The following CDK12 variants were observed in gnomAD, a reference collection of about 807,000 sequenced individuals.
CDK12 encodes the protein cyclin-dependent kinase 12.
Under a neutral mutation model 133.8 loss-of-function variants are expected in CDK12, and 17 were observed. The observed-to-expected ratio is 0.13, with a 90% CI of 0.09 to 0.19. The LOEUF (loss-of-function observed/expected upper bound fraction) is 0.19. Ranked by LOEUF, CDK12 falls within the 10% of genes least tolerant of loss-of-function variation. The pLI, the probability that CDK12 is intolerant of heterozygous loss-of-function variation, is 1.00. For synonymous variants in CDK12, 694 were observed against 683.6 expected, an observed-to-expected ratio of 1.02 and a Z score of -0.24; for missense variants, 1,508 against 1,818.7, an observed-to-expected ratio of 0.83 and a Z score of 3.11.
intron 5 of CDK12, among the ~76,000 whole-genome samples, chr17:39,495,529 C>T (rs1206430372): frequency 2.0e-5 from 3 of 151,274 alleles, no homozygotes; most frequent in Admixed American, 6.6e-5. Flanking sequence ...CAGTGGCTCA[C>T]GCCTGTAATC....
chr17:39,463,111 T>C lies in CDK12; in HGVS notation c.1040T>C (p.Leu347Pro), dbSNP rs749966748. 6.2e-7 allele frequency: 1 copy of C among 1,613,164 alleles called. No individual in the cohort carries two copies. Among genetic ancestry groups the C allele is most frequent in the South Asian group, 1.1e-5 (1 of 91,040 alleles). Residue 347 changes from leucine (L) to proline (P), a missense_variant, in exon 1 of 14, where the codon CTC (leucine) becomes CCC (proline). By Grantham distance (98) the Leu-to-Pro change is moderately conservative. This residue lies in a region of CDK12 where 460 missense variants were observed against 490.8 expected (regional missense o/e 0.94). Transcript: ENST00000447079. ...AAGCGGTCTCTGAGTCGGAGTCCAC[T>C]CCCCAGGTGAGCTATTTGTCTAACA... ...LSKRSLSRSP[L>P]PSRKSMKSRS...
chr17:39,486,110 G>A (rs141539081), intron 2 of CDK12, among the ~76,000 whole-genome samples: 1 of 151,348 alleles, frequency 6.6e-6, no homozygotes, highest in Non-Finnish European at 1.5e-5. Context: ...GCACCACCAT[G>A]CCCAGCTAAT....
chr17:39,544,865 G>T (rs1391656617), upstream of CDK12, among the ~76,000 whole-genome samples: 2 of 151,934 alleles, frequency 1.3e-5, no homozygotes, highest in Non-Finnish European at 2.9e-5. Flanking sequence ...CCCGACCTCA[G>T]GTAATCCGCC....
intron 5 of CDK12, among the ~76,000 whole-genome samples, chr17:39,498,901 T>G (rs1186925497): frequency 0.5 from 2 of 4 alleles, 1 homozygote; most frequent in African/African-American, 0.5. Flanking sequence ...CTTTCTTTCT[T>G]TCTTTCTTTC....
At chr17:39,487,170 A>G (rs1273814814) in intron 2 of CDK12, among the ~76,000 whole-genome samples, 3 of 152,176 alleles carry the variant, frequency 2.0e-5, no homozygotes, top group Non-Finnish European at 4.4e-5. Flanking sequence ...TACTCCACTG[A>G]CTATCCCAGT....
chr17:39,490,101 TCA>T (rs2051464611), intron 2 of CDK12, among the ~76,000 whole-genome samples: 1 of 150,648 alleles, frequency 6.6e-6, no homozygotes, highest in African/African-American at 2.4e-5. Flanking sequence ...GCATGGTGGC[TCA>T]CGCCTGTAAT....
intron 3 of CDK12, among the ~76,000 whole-genome samples, chr17:39,559,251 A>G (rs1016087615): frequency 6.6e-6 from 1 of 152,212 alleles, no homozygotes; most frequent in Non-Finnish European, 1.5e-5. Context: ...GAATGGTGAC[A>G]TTTTATAAAA....
Position 39,563,463 on chromosome 17 carries a change from G to GCCCC in CDK12, n.485-1290_485-1287dup, listed in dbSNP as rs59758254. On this transcript the variant is annotated intron_variant and non_coding_transcript_variant, in intron 3 of 3. Transcript: ENST00000558240. The stretch of plus-strand genomic sequence containing the variant: ...TTTCTCTCTTCTTCTCTTGCTTCCC[G>GCCCC]CCCCCCCCCCGCCCCCATATCTCTC... Among the ~76,000 whole-genome samples, 92 of 31,782 alleles carry GCCCC rather than the reference G, an allele frequency of 2.9e-3. 2 individuals are homozygous for GCCCC. Among genetic ancestry groups the GCCCC allele is most frequent in the Middle Eastern group, 0.012 (1 of 84 alleles). 20.9% of individuals were successfully genotyped at this position (31,782 alleles called of 152,430 possible).
rs528919591 is a variant in CDK12 at position 39,509,365 on chromosome 17, G to A, written c.2610-340G>A. On this transcript the variant is annotated intron_variant, in intron 6 of 13. Coordinates refer to ENST00000447079, the MANE Select transcript of CDK12 (RefSeq NM_016507.4). ...CAACAATAAGTATTTAATCTAGCAC[G>A]TTCTAGGTACTGTTGTTTACCATGA... Among the ~76,000 whole-genome samples, 11 of 152,128 alleles carry A rather than the reference G, an allele frequency of 7.2e-5. No individual in the cohort carries two copies. In the South Asian group the frequency reaches 1.0e-3, roughly 14 times the overall value.
chr17:39,487,754 G>A (rs1333825404), intron 2 of CDK12, among the ~76,000 whole-genome samples: 1 of 151,752 alleles, frequency 6.6e-6, no homozygotes, highest in Non-Finnish European at 1.5e-5. Flanking sequence ...GGAACTACAG[G>A]CACATGCCAC....
At chr17:39,491,483 G>T (rs553282725) in intron 3 of CDK12, among the ~76,000 whole-genome samples, 1 of 151,936 alleles carries the variant, frequency 6.6e-6, no homozygotes, top group African/African-American at 2.4e-5. Context: ...GTAATCCACC[G>T]CCTTGGCCTC....
In CDK12 at chr17:39,526,244, A is replaced by G; in HGVS notation, c.3688A>G (p.Asn1230Asp). The G allele has an allele frequency of 6.2e-7, 1 of 1,612,030 alleles. No homozygotes were observed. Among genetic ancestry groups the G allele is most frequent in the Non-Finnish European group, 8.5e-7 (1 of 1,179,098 alleles). Residue 1230 changes from asparagine (N) to aspartate (D), a missense_variant, in exon 13 of 14, where the codon AAC (asparagine) becomes GAC (aspartate). Transcript: ENST00000447079. ...AGAGCCAGCAGGCAGTCTGGAGGAA[A>G]ACAACAGTGACAAGAACAGTGGGCC... ...TQEPAGSLEE[N>D]NSDKNSGPQG...
intron 2 of CDK12, among the ~76,000 whole-genome samples, chr17:39,480,814 C>T (rs921461634): frequency 6.6e-6 from 1 of 152,168 alleles, no homozygotes; most frequent in Non-Finnish European, 1.5e-5. Flanking sequence ...AATGGTATTT[C>T]AAAAGCCTTT....
At chr17:39,522,881 G>A (rs765053201) in intron 11 of CDK12, among the ~76,000 whole-genome samples, 1 of 151,468 alleles carries the variant, frequency 6.6e-6, no homozygotes, top group Non-Finnish European at 1.5e-5. Flanking sequence ...GTAAAACCCC[G>A]TCTCTCCTAA....
intron 2 of CDK12, among the ~76,000 whole-genome samples, chr17:39,555,491 A>G (rs2056119190): frequency 6.6e-6 from 1 of 151,924 alleles, no homozygotes; most frequent in African/African-American, 2.4e-5. Flanking sequence ...TTGTGTAGGA[A>G]GTCAGGAACA....
Position 39,463,265 on chromosome 17 carries a change from G to C in CDK12, c.1046+148G>C, listed in dbSNP as rs554461359. 6.3e-5 allele frequency: 46 copies of C among 732,556 alleles called. No individual in the cohort carries two copies. In the South Asian group the frequency reaches 7.9e-4, roughly 13 times the overall value. 45.4% of individuals were successfully genotyped at this position (732,556 alleles called of 1,614,324 possible). A position where few individuals can be genotyped will look rare whatever the true frequency, so the allele number is the denominator to read the frequency against. The stretch of plus-strand genomic sequence containing the variant: ...GCTAGTCATTCCAGTGTGTGAATCT[G>C]TCTCCCCTTAACCCAGAATTCGAGA... On this transcript the variant is annotated intron_variant, in intron 1 of 13. Coordinates refer to ENST00000447079, the MANE Select transcript of CDK12 (RefSeq NM_016507.4).
downstream of CDK12, among the ~76,000 whole-genome samples, chr17:39,565,291 T>C (rs2056530302): frequency 6.6e-6 from 1 of 152,018 alleles, no homozygotes. Flanking sequence ...TTTTTTAGTA[T>C]TTTTAGTAGA....
At position 39,530,736 on chromosome 17, in the gene CDK12, C is replaced by T. The variant is rs2054786528; in HGVS notation, c.3893C>T (p.Thr1298Ile). ...SAPQELNPAV[T>I]AALLQLLSQP... ...CCCCAGGAGTTGAACCCAGCCGTGA[C>T]AGCCGCCTTGCTGCAACTTTTATCC... Residue 1298 changes from threonine (T) to isoleucine (I), a missense_variant, in exon 14 of 14, where the codon ACA becomes ATA. Physicochemically the swap from Thr to Ile is moderately conservative, Grantham distance 89. Coordinates refer to ENST00000447079, the MANE Select transcript of CDK12 (RefSeq NM_016507.4). 2 of 1,614,024 alleles carry T rather than the reference C, an allele frequency of 1.2e-6. No homozygotes were observed. The highest frequency in any genetic ancestry group is 8.5e-7 in the Non-Finnish European group (1 of 1,180,010).
chr17:39,556,428 A>G (rs1230229562), intron 3 of CDK12: 1 of 152,378 alleles, frequency 6.6e-6, no homozygotes, highest in Non-Finnish European at 1.5e-5. Context: ...GTCCACTGCC[A>G]TGAAGGGCCC....
Sources: allele counts gnomAD v4.1 joint callset (sites outside exome capture counted in the v4.1 genomes callset), GRCh38; gene constraint gnomAD v4.1.1; regional missense constraint gnomAD v4.1.1; transcripts MANE v1.5; gene names NCBI Gene and HGNC (gene_info 2026-07-23, HGNC 2026-07-21).